PRPF18: variants seen among roughly 807,000 people sequenced by gnomAD.
PRPF18 encodes the protein pre-mRNA-splicing factor 18.
PRPF18 carries 38 observed loss-of-function variants against 46.5 expected under a neutral mutation model. That is an observed-to-expected ratio of 0.82 (90% CI 0.63 to 1.07). PRPF18 has a LOEUF of 1.07. Ranked by LOEUF, PRPF18 falls within the 50% of genes least tolerant of loss-of-function variation. The pLI, the probability that PRPF18 is intolerant of heterozygous loss-of-function variation, is 0.00. For missense variants in PRPF18, 263 were observed against 410.0 expected (o/e 0.64, Z 3.10); for synonymous variants, 152 against 146.7 (o/e 1.04, Z -0.26).
chr10:13,614,181 T>A, intron 8 of PRPF18, 95 bp downstream of exon 8: 1 of 955,402 alleles, frequency 1.0e-6, no homozygotes, highest in Non-Finnish European at 1.5e-6. Flanking sequence ...TTTTACATAG[T>A]AGATTTAAGA....
the PRPF18 span, chr10:13,647,030 T>C: frequency 1.1e-6 from 1 of 945,934 alleles, no homozygotes; most frequent in South Asian, 4.9e-5. Context: ...GCTATCATTG[T>C]AGCTCCTGTG....
At chr10:13,623,026 G>A (rs1589136290) in intron 9 of PRPF18, among the ~76,000 whole-genome samples, 1 of 151,772 alleles carries the variant, frequency 6.6e-6, no homozygotes, top group African/African-American at 2.4e-5. Context: ...GTGAAACCCC[G>A]TCTCTACTAA....
chr10:13,635,256 T>C (rs1307764272), downstream of PRPF18, among the ~76,000 whole-genome samples: 1 of 152,248 alleles, frequency 6.6e-6, no homozygotes. Flanking sequence ...TGGTATTCCA[T>C]AGTGTATATG....
rs540227232 is a variant in PRPF18, at chr10:13,600,282, A to G, written c.183A>G (p.Ser61=). 4.0e-5 allele frequency: 65 copies of G among 1,612,712 alleles called. 1 individual carries two copies. The South Asian group carries it at 6.3e-4, about 16-fold the overall frequency. Residue 61 remains serine, a synonymous_variant, in exon 3 of 10, where the codon TCA becomes TCG. Coordinates refer to ENST00000378572, the MANE Select transcript of PRPF18 (RefSeq NM_003675.4). ...AGGAGGACCAGAAACCATTAACTTCATCGAATCCAGTGTTAGAACTTGAAC... is the reference window on the plus strand; with the variant it reads ...AGGAGGACCAGAAACCATTAACTTCGTCGAATCCAGTGTTAGAACTTGAAC... ...PKEEDQKPLT[S]SNPVLELELA...
At chr10:13,649,687 T>A in the PRPF18 span, 1 of 152,266 alleles carries the variant, frequency 6.6e-6, no homozygotes, top group African/African-American at 2.4e-5. Flanking sequence ...GTATTGGTCT[T>A]TTATTCTCAA....
At chr10:13,600,967 G>T (rs190106450) in intron 3 of PRPF18, among the ~76,000 whole-genome samples, 2 of 152,052 alleles carry the variant, frequency 1.3e-5, no homozygotes, top group East Asian at 3.8e-4. Flanking sequence ...TTTTAGTAGA[G>T]ATGGGGTTTC....
the PRPF18 span, chr10:13,639,642 TGTTA>T: frequency 6.6e-6 from 1 of 152,210 alleles, no homozygotes; most frequent in African/African-American, 2.4e-5. Context: ...TTTTAGAACC[TGTTA>T]GTTCATCCTT....
At chr10:13,591,679 G>A in intron 1 of PRPF18, 2 of 644,752 alleles carry the variant, frequency 3.1e-6, no homozygotes, top group East Asian at 2.9e-5. Flanking sequence ...GCTTGAATAA[G>A]CATCAGTGGG....
chr10:13,629,693 T>A (rs2080565202), intron 9 of PRPF18, among the ~76,000 whole-genome samples: 2 of 152,224 alleles, frequency 1.3e-5, no homozygotes, highest in African/African-American at 4.8e-5. Context: ...CTTTCGACAT[T>A]GCTTCTAAGA....
At chr10:13,598,783 C>CATA (rs1439680850) in intron 2 of PRPF18, among the ~76,000 whole-genome samples, 1 of 152,160 alleles carries the variant, frequency 6.6e-6, no homozygotes, top group Non-Finnish European at 1.5e-5. Context: ...CACACTTGGT[C>CATA]TGGAATAAGA....
At chr10:13,598,296 A>C (rs2080062492) in intron 2 of PRPF18, among the ~76,000 whole-genome samples, 1 of 152,178 alleles carries the variant, frequency 6.6e-6, no homozygotes, top group Non-Finnish European at 1.5e-5. Flanking sequence ...ATCTAGCTTA[A>C]TTTTTAACTC....
At chr10:13,654,879 G>A in the PRPF18 span, 3 of 261,158 alleles carry the variant, frequency 1.1e-5, no homozygotes, top group South Asian at 2.7e-4. Flanking sequence ...TCCTTTGAGC[G>A]AGACCTGAGC....
chr10:13,591,739 A>G lies in PRPF18; in HGVS notation c.66+4587A>G, dbSNP rs185765110. On this transcript the variant is annotated intron_variant, in intron 1 of 9. Transcript: ENST00000378572. The stretch of plus-strand genomic sequence containing the variant: ...GATAACAATTTTGGTTGAGGTGGCA[A>G]TGACAGATTTCTGGTGTTTTCTTCA... 959 of 1,186,408 alleles carry G rather than the reference A, an allele frequency of 8.1e-4. 1 individual carries two copies. The highest frequency in any genetic ancestry group is 1.3e-3 in the Middle Eastern group (6 of 4,778). 73.5% of individuals were successfully genotyped at this position (1,186,408 alleles called of 1,614,324 possible).
At chr10:13,611,057 T>C (rs6602669) in intron 5 of PRPF18, among the ~76,000 whole-genome samples, 53,758 of 152,070 alleles carry the variant, frequency 0.35, 10,686 homozygotes, top group East Asian at 0.84. Flanking sequence ...CTGGCTCTTG[T>C]ATGTGTAGCT....
chr10:13,603,392 G>A (rs2080143056), intron 3 of PRPF18, among the ~76,000 whole-genome samples: 2 of 152,150 alleles, frequency 1.3e-5, no homozygotes, highest in South Asian at 4.2e-4. Context: ...TCGAAGTCAG[G>A]TAGTTTATTA....
intron 4 of PRPF18, among the ~76,000 whole-genome samples, chr10:13,606,859 A>C (rs901373038): frequency 6.6e-6 from 1 of 152,142 alleles, no homozygotes; most frequent in Non-Finnish European, 1.5e-5. Flanking sequence ...GATACCTAGA[A>C]GTAGAATTGC....
At chr10:13,599,156 G>A (rs1260652831) in intron 2 of PRPF18, among the ~76,000 whole-genome samples, 1 of 152,102 alleles carries the variant, frequency 6.6e-6, no homozygotes, top group East Asian at 1.9e-4. Context: ...TTTCCTTCTT[G>A]GTAGTAATGA....
chr10:13,649,640 A>C, the PRPF18 span: 1 of 152,240 alleles, frequency 6.6e-6, no homozygotes, highest in Non-Finnish European at 1.5e-5. Context: ...TTATTGAAGT[A>C]CGTAAGGTAT....
chr10:13,607,776 C>T (rs1267956339), intron 4 of PRPF18, among the ~76,000 whole-genome samples: 7 of 152,152 alleles, frequency 4.6e-5, no homozygotes, highest in African/African-American at 1.4e-4. Context: ...CTTTGCCTAT[C>T]CCAAGATTTC....
Sources: gnomAD v4.1 joint callset for allele counts (sites outside exome capture counted in the v4.1 genomes callset) on GRCh38, gnomAD v4.1.1 for gene constraint, MANE v1.5 for transcripts, NCBI Gene and HGNC (gene_info 2026-07-23, HGNC 2026-07-21) for gene names.